SERPINF1: variants seen among roughly 807,000 people sequenced by gnomAD.
SERPINF1 encodes the protein pigment epithelium-derived factor.
A neutral mutation model predicts 37.3 loss-of-function variants in SERPINF1; 29 were observed. That is an observed-to-expected ratio of 0.78 (90% CI 0.58 to 1.06). The LOEUF is 1.06. Among genes scored for constraint, SERPINF1 ranks in the 50% least tolerant of loss-of-function variants. SERPINF1 has a pLI of 0.00. For synonymous variants in SERPINF1, 281 were observed against 227.9 expected, an observed-to-expected ratio of 1.23 and a Z score of -2.10; for missense variants, 553 against 532.2, an observed-to-expected ratio of 1.04 and a Z score of -0.38.
chr17:1,772,052 T>C lies in SERPINF1; in HGVS notation c.620T>C (p.Leu207Pro). The C allele has an allele frequency of 6.2e-7, 1 of 1,613,626 alleles. No individual in the cohort carries two copies. Reference protein sequence around the residue: ...KEIPDEISILLLGVAHFKGQW... With the variant: ...KEIPDEISILPLGVAHFKGQW... ...ATTCCCGATGAGATCAGCATTCTCC[T>C]TCTCGGTGTGGCGCACTTCAAGGGT... is the stretch of plus-strand genomic sequence containing the variant. The change falls in exon 5 of 8, where the codon CTT becomes CCT. Residue 207 changes from leucine (L) to proline (P), a missense_variant. Coordinates refer to ENST00000254722, the MANE Select transcript of SERPINF1 (RefSeq NM_002615.7).
rs141155058 is a variant in SERPINF1 at position 1,771,183 on chromosome 17, G to A, written c.438G>A (p.Lys146=). 4.7e-5 allele frequency: 76 copies of A among 1,613,252 alleles called. No homozygotes were observed. The African/African-American group carries it at 8.3e-4, about 18-fold the overall frequency. The change falls in exon 4 of 8, where the codon AAG becomes AAA. Residue 146 remains lysine (K), a splice_region_variant and synonymous_variant. Transcript: ENST00000254722. ...LKSASRIVFE[K]KLRIKSSFVA... is the part of the protein sequence containing the mutation. ...GTGCCTCCCGGATCGTCTTTGAGAA[G>A]AGTGAGTCGCCTTTGCAGCCCAAGT... is the stretch of plus-strand genomic sequence containing the variant.
At chr17:1,772,581 C>CA (rs1907814981) in intron 5 of SERPINF1, among the ~76,000 whole-genome samples, 1 of 133,760 alleles carries the variant, frequency 7.5e-6, no homozygotes. Flanking sequence ...TTTTTTGAGA[C>CA]AGAGTCTTGC....
chr17:1,777,212 A>G lies in SERPINF1; in HGVS notation c.1023A>G (p.Pro341=), dbSNP rs756358929. The G allele has an allele frequency of 6.2e-7, 1 of 1,614,120 alleles. No individual in the cohort carries two copies. Among genetic ancestry groups the G allele is most frequent in the East Asian group, 2.2e-5 (1 of 44,864 alleles). The part of the protein sequence containing the change: ...EMKLQSLFDS[P]DFSKITGKPI... ...AGCTGCAATCCTTGTTTGATTCACC[A>G]GACTTTAGCAAGATCACAGGCAAAC... Residue 341 remains proline, a synonymous_variant, in exon 8 of 8, where the codon CCA becomes CCG. Coordinates refer to ENST00000254722, the MANE Select transcript of SERPINF1 (RefSeq NM_002615.7).
At chr17:1,774,431 C>T (rs1350810471) in intron 5 of SERPINF1, among the ~76,000 whole-genome samples, 1 of 152,194 alleles carries the variant, frequency 6.6e-6, no homozygotes, top group Non-Finnish European at 1.5e-5. Flanking sequence ...CTCCTGACCT[C>T]AGATGATCCA....
intron 3 of SERPINF1, 79 bp downstream of exon 3, chr17:1,770,129 A>T: frequency 6.6e-7 from 1 of 1,511,646 alleles, no homozygotes; most frequent in South Asian, 1.1e-5. Flanking sequence ...GGCTGAGTTT[A>T]TTGACATTTC....
At chr17:1,769,655 G>T in intron 2 of SERPINF1, 197 bp from the exon 3 acceptor site, 1 of 636,862 alleles carries the variant, frequency 1.6e-6, no homozygotes, top group Non-Finnish European at 2.8e-6. Context: ...TCTCTCTTCT[G>T]CGCTGTCTCT....
At position 1,777,524 on chromosome 17, in the gene SERPINF1, T is replaced by C; in HGVS notation, c.*78T>C. The C allele has an allele frequency of 6.3e-7, 1 of 1,587,556 alleles. No individual in the cohort carries two copies. The highest frequency in any genetic ancestry group is 8.6e-7 in the Non-Finnish European group (1 of 1,158,210). ...TTCCACAGGACACGAAGGCTGCCCC[T>C]GTAAGGTTTCAATGCATACAATAAA... On this transcript the variant is annotated 3_prime_UTR_variant, in exon 8 of 8. Coordinates refer to ENST00000254722, the MANE Select transcript of SERPINF1 (RefSeq NM_002615.7).
In SERPINF1 at chr17:1,771,575, C is replaced by T. The variant is rs1410732339; in HGVS notation, c.440-297C>T. On this transcript the variant is annotated intron_variant, in intron 4 of 7. Coordinates refer to ENST00000254722, the MANE Select transcript of SERPINF1 (RefSeq NM_002615.7). ...ATAGATCATGTGTGCCCAGGCCTGG[C>T]CTGGCACTGGTGTGGAGGAAGGGCC... is the stretch of plus-strand genomic sequence containing the variant. The T allele has an allele frequency of 8.3e-6, 4 of 482,286 alleles. No individual in the cohort carries two copies. In the East Asian group the frequency reaches 1.6e-4, roughly 19 times the overall value. The allele number at this position is 482,286 out of a possible 1,614,324, so 29.9% of individuals were successfully genotyped here.
intron 5 of SERPINF1, among the ~76,000 whole-genome samples, chr17:1,773,433 A>G (rs150844673): frequency 0.036 from 5,403 of 152,034 alleles, 339 homozygotes; most frequent in African/African-American, 0.12. Context: ...TTCAGTAGAG[A>G]TGGGGTTTCG....
In SERPINF1 at chr17:1,777,350, C is replaced by G. The variant is rs778242359; in HGVS notation, c.1161C>G (p.Asp387Glu). The G allele has an allele frequency of 3.1e-6, 5 of 1,614,060 alleles. No individual in the cohort carries two copies. The highest frequency in any genetic ancestry group is 1.7e-5 in the Admixed American group (1 of 59,994). ...CTGCCCACCTCACCTTCCCGCTGGA[C>G]TATCACCTTAACCAGCCTTTCATCT... is the stretch of plus-strand genomic sequence containing the variant. ...LQPAHLTFPL[D>E]YHLNQPFIFV... is the part of the protein sequence containing the mutation. Residue 387 changes from aspartate to glutamate, a missense_variant, in exon 8 of 8, where the codon GAC becomes GAG. Transcript: ENST00000254722.
intron 2 of SERPINF1, among the ~76,000 whole-genome samples, chr17:1,768,356 G>A (rs534720556): frequency 1.3e-4 from 20 of 150,098 alleles, no homozygotes; most frequent in Admixed American, 4.6e-4. Context: ...GCGTGAACCC[G>A]GGAGGTGGAG....
chr17:1,776,410 G>C, intron 6 of SERPINF1, 122 bp from the exon 7 acceptor site: 1 of 851,200 alleles, frequency 1.2e-6, no homozygotes. Flanking sequence ...AAATAGATGA[G>C]GGGCTGGATG....
intron 5 of SERPINF1, 29 bp downstream of exon 5, chr17:1,772,104 T>C: frequency 3.8e-6 from 6 of 1,591,636 alleles, no homozygotes; most frequent in Non-Finnish European, 4.3e-6. Flanking sequence ...CTTTTTCATT[T>C]ATTTTACTGT....
intron 2 of SERPINF1, among the ~76,000 whole-genome samples, chr17:1,768,677 A>G (rs1907538401): frequency 6.6e-6 from 1 of 151,722 alleles, no homozygotes; most frequent in South Asian, 2.1e-4. Context: ...GGGCCTCACC[A>G]TGTTGCTCAG....
intron 4 of SERPINF1, chr17:1,771,582 C>G: frequency 2.0e-6 from 1 of 487,952 alleles, no homozygotes; most frequent in East Asian, 3.9e-5. Context: ...TGGCCTGGCA[C>G]TGGTGTGGAG....
In SERPINF1 at chr17:1,777,167, A is replaced by C. The variant is rs1440257589; in HGVS notation, c.998-20A>C. The stretch of plus-strand genomic sequence containing the variant: ...TGGGGAAGGCAGGGTTTTAACGGAA[A>C]TCTCTCTCCATCTCTACAGAGCTGC... On this transcript the variant is annotated intron_variant, in intron 7 of 7. Transcript: ENST00000254722. The C allele has an allele frequency of 6.2e-7, 1 of 1,613,830 alleles. No individual in the cohort carries two copies. The highest frequency in any genetic ancestry group is 8.5e-7 in the Non-Finnish European group (1 of 1,180,016).
At position 1,777,514 on chromosome 17, in the gene SERPINF1, A is replaced by G. The variant is rs1307080140; in HGVS notation, c.*68A>G. On this transcript the variant is annotated 3_prime_UTR_variant, in exon 8 of 8. Coordinates refer to ENST00000254722, the MANE Select transcript of SERPINF1 (RefSeq NM_002615.7). ...GGACAGCAGATTCCACAGGACACGA[A>G]GGCTGCCCCTGTAAGGTTTCAATGC... The G allele has an allele frequency of 6.2e-7, 1 of 1,600,480 alleles. No homozygotes were observed. The highest frequency in any genetic ancestry group is 1.3e-5 in the African/African-American group (1 of 74,574).
intron 5 of SERPINF1, among the ~76,000 whole-genome samples, chr17:1,772,899 T>G (rs542999757): frequency 6.6e-5 from 10 of 152,316 alleles, no homozygotes; most frequent in Admixed American, 3.3e-4. Flanking sequence ...ATGCCGAGGC[T>G]GGTCTCGAAC....
Position 1,775,156 on chromosome 17 carries a change from A to G in SERPINF1, c.742A>G (p.Lys248Glu). 1 of 1,613,632 alleles carries G rather than the reference A, an allele frequency of 6.2e-7. No homozygotes were observed. Among genetic ancestry groups the G allele is most frequent in the Middle Eastern group, 1.7e-4 (1 of 6,056 alleles). The change falls in exon 6 of 8, where the codon AAG becomes GAG. Residue 248 changes from lysine (K) to glutamate (E), a missense_variant. Physicochemically the swap from Lys to Glu is moderately conservative, Grantham distance 56 (BLOSUM62 1). Coordinates refer to ENST00000254722, the MANE Select transcript of SERPINF1 (RefSeq NM_002615.7). Reference protein sequence around the residue: ...TVRVPMMSDPKAVLRYGLDSD... With the variant: ...TVRVPMMSDPEAVLRYGLDSD... ...GAGGGTCCCCATGATGTCGGACCCT[A>G]AGGCTGTTTTACGCTATGGCTTGGA...
Sources: allele counts gnomAD v4.1 joint callset (sites outside exome capture counted in the v4.1 genomes callset), GRCh38; gene constraint gnomAD v4.1.1; transcripts MANE v1.5; gene names NCBI Gene and HGNC (gene_info 2026-07-23, HGNC 2026-07-21).